Variants in ANKHD1 observed in about 807,000 individuals in gnomAD.
The protein encoded by ANKHD1 is ankyrin repeat and KH domain containing 1, also known as ankyrin repeat and KH domain-containing protein 1.
A neutral mutation model predicts 230.5 loss-of-function variants in ANKHD1; 31 were observed. That is an observed-to-expected ratio of 0.13 (90% CI 0.10 to 0.18). The LOEUF is 0.18. ANKHD1 is among the 10% of genes least tolerant of loss of function. ANKHD1 has a pLI of 1.00. For missense variants in ANKHD1, 2,256 were observed against 3,071.3 expected, an observed-to-expected ratio of 0.73 and a Z score of 6.27; for synonymous variants, 1,074 against 1,117.6, an observed-to-expected ratio of 0.96 and a Z score of 0.78.
At position 140,485,047 on chromosome 5, in the gene ANKHD1, T is replaced by A. The variant is rs1185026505; in HGVS notation, c.1871-74T>A. 4.6e-6 allele frequency: 7 copies of A among 1,509,148 alleles called. No homozygotes were observed. The highest frequency in any genetic ancestry group is 2.1e-5 in the Admixed American group (1 of 48,054). The allele number at this position is 1,509,148 out of a possible 1,614,324, so 93.5% of individuals were successfully genotyped here. A position where few individuals can be genotyped will look rare whatever the true frequency, so the allele number is the denominator to read the frequency against. The stretch of plus-strand genomic sequence containing the variant: ...TATCTACATTATACTTCACAAAAAA[T>A]TTTTAAATGATATTGACTATGAACT... On this transcript the variant is annotated intron_variant, in intron 11 of 33. Transcript: ENST00000360839. This position sits in a 1 kb window ranked among gnomAD's most constrained non-coding sequence, Gnocchi z 4.8.
At chr5:140,439,813 G>A (rs778463205) in intron 3 of ANKHD1, among the ~76,000 whole-genome samples, 3 of 152,114 alleles carry the variant, frequency 2.0e-5, no homozygotes, top group Non-Finnish European at 4.4e-5. Flanking sequence ...CCTGGGCCGT[G>A]GGTTGGACAT....
rs1183208745 is a variant in ANKHD1, at chr5:140,441,089, T to C, written c.860T>C (p.Ile287Thr). Residue 287 changes from isoleucine (I) to threonine (T), a missense_variant, in exon 5 of 34, where the codon ATT becomes ACT. Physicochemically the swap from Ile to Thr is moderately conservative, Grantham distance 89. Coordinates refer to ENST00000360839, the MANE Select transcript of ANKHD1 (RefSeq NM_017747.3). ...MAASSGGYLD[I>T]VKLLLLHDAD... ...GCTTCCAGTGGAGGTTACTTAGATATTGTGAAATTATTACTTCTTCATGAT... is the reference window on the plus strand; with the variant it reads ...GCTTCCAGTGGAGGTTACTTAGATACTGTGAAATTATTACTTCTTCATGAT... 3 of 1,610,006 alleles carry C rather than the reference T, an allele frequency of 1.9e-6. No homozygotes were observed. The highest frequency in any genetic ancestry group is 2.5e-6 in the Non-Finnish European group (3 of 1,178,626).
chr5:140,468,075 T>C (rs1776230224), intron 10 of ANKHD1, among the ~76,000 whole-genome samples: 4 of 114,308 alleles, frequency 3.5e-5, no homozygotes, highest in African/African-American at 1.5e-4. Flanking sequence ...TTTTTTTTTT[T>C]TTTTTTTTTT....
intron 1 of ANKHD1, among the ~76,000 whole-genome samples, chr5:140,431,140 TA>T (rs1345812023): frequency 6.6e-6 from 1 of 152,246 alleles, no homozygotes; most frequent in African/African-American, 2.4e-5. Flanking sequence ...CAGACATTTT[TA>T]AAGTTATAAA....
intron 7 of ANKHD1, among the ~76,000 whole-genome samples, chr5:140,450,579 G>A (rs932106641): frequency 4.0e-5 from 6 of 151,488 alleles, no homozygotes; most frequent in Admixed American, 2.6e-4. Flanking sequence ...TCACTCTGTT[G>A]CCCAGGGTAG....
In ANKHD1 at chr5:140,537,534, T is replaced by C; in HGVS notation, c.7173T>C (p.Phe2391=). The change falls in exon 31 of 34, where the codon TTT becomes TTC. Residue 2391 remains phenylalanine, a synonymous_variant. Transcript: ENST00000360839. The stretch of plus-strand genomic sequence containing the variant: ...CACAAGCCCCGGCGGGGACCAGTTT[T>C]GTCGCTCCCGTTGGACACAGTGGAA... ...SVAQAPAGTS[F]VAPVGHSGIW... 1 of 1,612,592 alleles carries C rather than the reference T, an allele frequency of 6.2e-7. No individual in the cohort carries two copies. The highest frequency in any genetic ancestry group is 8.5e-7 in the Non-Finnish European group (1 of 1,179,220).
At chr5:140,417,413 TTTTTTTAATTAAAAAA>T (rs1771481428) in intron 1 of ANKHD1, among the ~76,000 whole-genome samples, 1 of 151,524 alleles carries the variant, frequency 6.6e-6, no homozygotes, top group Non-Finnish European at 1.5e-5. Context: ...TAATTAAACA[TTTTTTTAATTAAAAAA>T]TTTTTTAATT....
At position 140,527,413 on chromosome 5, in the gene ANKHD1, C is replaced by A; in HGVS notation, c.5087+339C>A. On this transcript the variant is annotated intron_variant, in intron 27 of 33. Coordinates refer to ENST00000360839, the MANE Select transcript of ANKHD1 (RefSeq NM_017747.3). This position sits in a 1 kb window ranked among gnomAD's most constrained non-coding sequence, Gnocchi z 4.5. ...TCAACTTTAGATTCAGAATACATGT[C>A]AGCTCATCATTGACCTGAGGCTTTA... 4.2e-6 allele frequency: 1 copy of A among 238,446 alleles called. No individual in the cohort carries two copies. Among genetic ancestry groups the A allele is most frequent in the East Asian group, 1.2e-4 (1 of 8,574 alleles). The allele number at this position is 238,446 out of a possible 1,614,324, so 14.8% of individuals were successfully genotyped here.
At chr5:140,481,759 A>G (rs1315983353) in intron 10 of ANKHD1, among the ~76,000 whole-genome samples, 1 of 152,108 alleles carries the variant, frequency 6.6e-6, no homozygotes, top group East Asian at 1.9e-4. Flanking sequence ...CTTAGTAATA[A>G]AAGAGAACCA....
At chr5:140,488,959 G>T (rs1269012159) in intron 14 of ANKHD1, among the ~76,000 whole-genome samples, 2 of 152,076 alleles carry the variant, frequency 1.3e-5, no homozygotes, top group South Asian at 2.1e-4. Context: ...GGCAGGCCAG[G>T]TGGGCAAATT....
At chr5:140,451,744 GCTAT>G (rs1246203463) in intron 7 of ANKHD1, among the ~76,000 whole-genome samples, 6 of 152,144 alleles carry the variant, frequency 3.9e-5, no homozygotes, top group African/African-American at 9.7e-5. Flanking sequence ...CTGGGCTCAA[GCTAT>G]CTGTCTGCCT....
At chr5:140,471,111 A>G (rs1373381504) in intron 10 of ANKHD1, among the ~76,000 whole-genome samples, 1 of 152,038 alleles carries the variant, frequency 6.6e-6, no homozygotes, top group African/African-American at 2.4e-5. Flanking sequence ...ATTTCTTTTG[A>G]GTGTCATGTC....
intron 24 of ANKHD1, among the ~76,000 whole-genome samples, chr5:140,515,367 C>G (rs1464448962): frequency 6.6e-6 from 1 of 152,042 alleles, no homozygotes; most frequent in East Asian, 1.9e-4. Flanking sequence ...TTTAGTAAAG[C>G]ATTGGAAATC....
intron 1 of ANKHD1, among the ~76,000 whole-genome samples, chr5:140,431,526 C>A (rs779483495): frequency 1.3e-5 from 2 of 152,114 alleles, no homozygotes; most frequent in Non-Finnish European, 2.9e-5. Flanking sequence ...ATGCTTTTAC[C>A]TTCATTACCT....
intron 10 of ANKHD1, among the ~76,000 whole-genome samples, chr5:140,471,464 T>C (rs1776492365): frequency 1.3e-5 from 2 of 152,192 alleles, no homozygotes; most frequent in Admixed American, 1.3e-4. Context: ...GAAGTGAGCC[T>C]TAACAGTTAG....
chr5:140,501,105 T>G (rs145641611), intron 15 of ANKHD1, among the ~76,000 whole-genome samples: 4,077 of 150,560 alleles, frequency 0.027, 201 homozygotes, highest in African/African-American at 0.095. Context: ...TTTTGTTTTT[T>G]TTTTTTTTTG....
chr5:140,441,234 A>G, intron 5 of ANKHD1, 92 bp downstream of exon 5: 2 of 1,382,154 alleles, frequency 1.4e-6, no homozygotes, highest in Non-Finnish European at 1.9e-6. Context: ...GAAAACCAGT[A>G]TAAACCTACA....
intron 1 of ANKHD1, among the ~76,000 whole-genome samples, chr5:140,433,415 C>T (rs1431167133): frequency 1.3e-5 from 2 of 152,288 alleles, no homozygotes; most frequent in African/African-American, 4.8e-5. Flanking sequence ...AATATACTTC[C>T]TCTTCTGCCC....
chr5:140,522,814 T>A (rs932379305), intron 24 of ANKHD1, among the ~76,000 whole-genome samples: 2 of 152,174 alleles, frequency 1.3e-5, no homozygotes, highest in African/African-American at 4.8e-5. Flanking sequence ...TTTCAATTTC[T>A]CCACATCCTC....
Sources: gnomAD v4.1 joint callset for allele counts (sites outside exome capture counted in the v4.1 genomes callset) on GRCh38, gnomAD v4.1.1 for gene constraint, Gnocchi (gnomAD v3.1) non-coding constraint, MANE v1.5 for transcripts, NCBI Gene and HGNC (gene_info 2026-07-23, HGNC 2026-07-21) for gene names.